TMEM40: variants seen among roughly 807,000 people sequenced by gnomAD.
TMEM40 encodes the protein transmembrane protein 40.
TMEM40 carries 34 observed loss-of-function variants against 40.8 expected under a neutral mutation model. The observed-to-expected ratio is 0.83, with a 90% CI of 0.63 to 1.11. The LOEUF (loss-of-function observed/expected upper bound fraction) is 1.11. TMEM40 is among the 50% of genes least tolerant of loss of function. The pLI, the probability that TMEM40 is intolerant of heterozygous loss-of-function variation, is 0.00. For missense variants in TMEM40, 296 were observed against 280.2 expected, an observed-to-expected ratio of 1.06 and a Z score of -0.40; for synonymous variants, 106 against 107.0, an observed-to-expected ratio of 0.99 and a Z score of 0.06.
At position 12,768,477 on chromosome 3, in the gene TMEM40, G is replaced by C. The variant is rs924650662; in HGVS notation, c.-9+774C>G. On this transcript the variant is annotated intron_variant, in intron 1 of 11. Coordinates refer to the TMEM40 transcript ENST00000264728. Reference sequence around the variant, plus strand: ...TGGTGCATTTACAATCCCTGAGCTAGACACAGAGTGCCGATTGGTGTATTC... The same window carrying C: ...TGGTGCATTTACAATCCCTGAGCTACACACAGAGTGCCGATTGGTGTATTC... Among the ~76,000 whole-genome samples, 7 of 152,266 alleles carry C rather than the reference G, an allele frequency of 4.6e-5. No individual in the cohort carries two copies. In the South Asian group the frequency reaches 1.5e-3, roughly 32 times the overall value.
At chr3:12,739,591 A>AT (rs140713854) in intron 5 of TMEM40, among the ~76,000 whole-genome samples, 46 of 148,482 alleles carry the variant, frequency 3.1e-4, no homozygotes, top group African/African-American at 8.9e-4. Flanking sequence ...GCTGCCAGTG[A>AT]TTTTTTTTTA....
At position 12,735,601 on chromosome 3, in the gene TMEM40, G is replaced by A. The variant is rs752942962; in HGVS notation, c.636C>T (p.Ser212=). The A allele has an allele frequency of 5.6e-6, 9 of 1,613,190 alleles. No individual in the cohort carries two copies. Among genetic ancestry groups the A allele is most frequent in the Admixed American group, 5.0e-5 (3 of 59,688 alleles). Residue 212 remains serine, a synonymous_variant, in exon 11 of 12, where the codon AGC becomes AGT. Coordinates refer to ENST00000314124, the MANE Select transcript of TMEM40 (RefSeq NM_018306.4). ...AGAGGGGGATGAAGCCTTGGAGGAC[G>A]CTGTGGATACGGTACACTGCTCAGA... is the stretch of plus-strand genomic sequence containing the variant. ...IYFGLVYRIH[S]VLQGFIPLFQ... is the part of the protein sequence containing the mutation.
intron 3 of TMEM40, among the ~76,000 whole-genome samples, chr3:12,745,331 G>A (rs1575736055): frequency 6.6e-6 from 1 of 151,216 alleles, no homozygotes; most frequent in East Asian, 1.9e-4. Context: ...GACTCCCAAA[G>A]TGTTGGAATT....
chr3:12,767,902 GC>G (rs1473931873), intron 1 of TMEM40, among the ~76,000 whole-genome samples: 4 of 152,128 alleles, frequency 2.6e-5, no homozygotes, highest in African/African-American at 4.8e-5. Context: ...TGTCCAGGAA[GC>G]AAAACTTGTG....
chr3:12,768,825 C>G (rs113973777), intron 1 of TMEM40, among the ~76,000 whole-genome samples: 1 of 151,114 alleles, frequency 6.6e-6, no homozygotes, highest in Non-Finnish European at 1.5e-5. Flanking sequence ...TCGATGGGAC[C>G]GGGCGCCGTG....
intron 1 of TMEM40, among the ~76,000 whole-genome samples, chr3:12,755,202 T>C (rs539750732): frequency 0.016 from 1,423 of 86,616 alleles, 34 homozygotes; most frequent in South Asian, 0.056. Flanking sequence ...TTCCTTCCTT[T>C]CTTTCTTTCT....
chr3:12,749,323 C>G (rs1559530157), intron 2 of TMEM40, among the ~76,000 whole-genome samples: 1 of 152,228 alleles, frequency 6.6e-6, no homozygotes, highest in Non-Finnish European at 1.5e-5. Flanking sequence ...CGCGCCCGGC[C>G]AGAAAAGGGG....
intron 1 of TMEM40, among the ~76,000 whole-genome samples, chr3:12,768,044 G>A (rs1483354056): frequency 6.6e-6 from 1 of 152,184 alleles, no homozygotes; most frequent in Non-Finnish European, 1.5e-5. Flanking sequence ...TGAAGCCACA[G>A]ACCCTCGCAG....
chr3:12,766,899 C>A (rs1353443446), intron 1 of TMEM40, among the ~76,000 whole-genome samples: 1 of 152,098 alleles, frequency 6.6e-6, no homozygotes, highest in East Asian at 1.9e-4. Context: ...ATCAGGCCAC[C>A]TTGTGGAACG....
chr3:12,742,370 C>T (rs1462773000), intron 5 of TMEM40, 84 bp downstream of exon 5: 8 of 1,496,204 alleles, frequency 5.3e-6, no homozygotes, highest in Non-Finnish European at 6.5e-6. Flanking sequence ...TCATGAATCA[C>T]CCTCATGACC....
chr3:12,749,722 T>C (rs765781234), intron 2 of TMEM40, 38 bp downstream of exon 2: 3 of 1,591,722 alleles, frequency 1.9e-6, no homozygotes, highest in Middle Eastern at 1.7e-4. Flanking sequence ...CCACCTCCCA[T>C]GTGGTTTTGC....
chr3:12,738,725 G>A, intron 5 of TMEM40, 137 bp from the exon 6 acceptor site: 1 of 872,298 alleles, frequency 1.1e-6, no homozygotes, highest in South Asian at 1.5e-5. Flanking sequence ...GGAGCCGGCT[G>A]GAGGGTTCCT....
chr3:12,756,359 A>C (rs6795666), intron 1 of TMEM40, among the ~76,000 whole-genome samples: 16,295 of 152,126 alleles, frequency 0.11, 1,526 homozygotes, highest in African/African-American at 0.25. Flanking sequence ...TGGGGGTGCC[A>C]ACGGCATGCT....
At chr3:12,763,871 T>G (rs2061583326), upstream of TMEM40, among the ~76,000 whole-genome samples, 1 of 152,192 alleles carries the variant, frequency 6.6e-6, no homozygotes, top group African/African-American at 2.4e-5. Flanking sequence ...GTTTACCTAC[T>G]ATGAGCACCC....
chr3:12,769,215 C>A (rs1471144374), intron 1 of TMEM40: 1 of 381,324 alleles, frequency 2.6e-6, no homozygotes, highest in Admixed American at 2.7e-5. Context: ...GTGCTGCGTG[C>A]AGCCCCGGTT....
intron 5 of TMEM40, among the ~76,000 whole-genome samples, chr3:12,742,176 G>A (rs902842537): frequency 6.6e-6 from 1 of 152,146 alleles, no homozygotes; most frequent in Non-Finnish European, 1.5e-5. Flanking sequence ...GTTGCAGTGA[G>A]CCAAGATCAC....
chr3:12,738,808 AG>A (rs2061359156), intron 5 of TMEM40: 2 of 525,800 alleles, frequency 3.8e-6, no homozygotes, highest in East Asian at 6.2e-5. Context: ...CCACTCTTAC[AG>A]GTCTGTCAAT....
At chr3:12,754,762 C>T (rs149029927) in intron 1 of TMEM40, among the ~76,000 whole-genome samples, 6 of 152,182 alleles carry the variant, frequency 3.9e-5, no homozygotes, top group African/African-American at 1.2e-4. Flanking sequence ...GGCACTTGAC[C>T]TAGGGATGAG....
upstream of TMEM40, among the ~76,000 whole-genome samples, chr3:12,761,213 G>A (rs1465331888): frequency 6.6e-6 from 1 of 152,214 alleles, no homozygotes; most frequent in East Asian, 1.9e-4. Context: ...GGATGGAGAG[G>A]GGAGAGGAGG....
Sources: allele counts gnomAD v4.1 joint callset (sites outside exome capture counted in the v4.1 genomes callset), GRCh38; gene constraint gnomAD v4.1.1; transcripts MANE v1.5; gene names NCBI Gene and HGNC (gene_info 2026-07-23, HGNC 2026-07-21).